The following CACNA1B variants were observed in gnomAD, a reference collection of about 807,000 sequenced individuals.
CACNA1B encodes calcium voltage-gated channel subunit alpha1 B.
In CACNA1B, 70 loss-of-function variants were observed where a neutral mutation model predicts 247.2. The ratio of observed to expected loss-of-function variants is 0.28; its 90% CI spans 0.23 to 0.35. The LOEUF is 0.35. Ranked by LOEUF, CACNA1B falls within the 10% of genes least tolerant of loss-of-function variation. The pLI is 1.00. For missense variants in CACNA1B, 2,367 were observed against 3,197.4 expected, an observed-to-expected ratio of 0.74 and a Z score of 6.26; for synonymous variants, 1,231 against 1,294.4, an observed-to-expected ratio of 0.95 and a Z score of 1.05.
chr9:137,936,139 G>A (rs7023861), intron 6 of CACNA1B, among the ~76,000 whole-genome samples: 46,563 of 152,096 alleles, frequency 0.31, 9,379 homozygotes, highest in East Asian at 0.65. Context: ...TTACAGGCGT[G>A]AGCCACTGCG....
chr9:138,073,656 T>C lies in CACNA1B; in HGVS notation c.4791+52T>C. On this transcript the variant is annotated intron_variant, in intron 33 of 46. Coordinates refer to ENST00000371372, the MANE Select transcript of CACNA1B (RefSeq NM_000718.4). This position sits in a 1 kb window ranked among gnomAD's most constrained non-coding sequence, Gnocchi z 6.4. The stretch of plus-strand genomic sequence containing the variant: ...TTTCTGTCCCCTTCCTCCGTCTTGC[T>C]TCCCCTGCCCCCACCACAGTGGCCC... 2 of 1,056,640 alleles carry C rather than the reference T, an allele frequency of 1.9e-6. No homozygotes were observed. Among genetic ancestry groups the C allele is most frequent in the South Asian group, 2.5e-5 (2 of 79,466 alleles). The allele number at this position is 1,056,640 out of a possible 1,614,324, so 65.5% of individuals were successfully genotyped here. A position where few individuals can be genotyped will look rare whatever the true frequency, so the allele number is the denominator to read the frequency against.
intron 36 of CACNA1B, among the ~76,000 whole-genome samples, chr9:138,092,992 A>G (rs1960928638): frequency 6.6e-6 from 1 of 152,238 alleles, no homozygotes. Context: ...ATTTCTCCAA[A>G]TACAATGACC....
chr9:137,998,721 G>A (rs1024917303), intron 15 of CACNA1B, among the ~76,000 whole-genome samples: 12 of 152,110 alleles, frequency 7.9e-5, no homozygotes, highest in African/African-American at 2.9e-4. Context: ...AACACTGCAG[G>A]GCATGAACTT....
At chr9:138,088,208 A>C (rs914922876) in intron 36 of CACNA1B, among the ~76,000 whole-genome samples, 1 of 151,952 alleles carries the variant, frequency 6.6e-6, no homozygotes, top group South Asian at 2.1e-4. Context: ...ATCTCTACTA[A>C]AAGTATAAAA....
At chr9:138,094,457 A>AAAAAAAAG (rs752912258) in intron 36 of CACNA1B, among the ~76,000 whole-genome samples, 1 of 134,836 alleles carries the variant, frequency 7.4e-6, no homozygotes, top group Non-Finnish European at 1.6e-5. Context: ...AAAAAAAAAA[A>AAAAAAAAG]AAGAAGAAGA....
intron 34 of CACNA1B, among the ~76,000 whole-genome samples, chr9:138,074,848 C>T (rs114192147): frequency 0.015 from 2,222 of 152,328 alleles, 56 homozygotes; most frequent in African/African-American, 0.049. Context: ...CTGGCAGCCG[C>T]GCTGAAGGAC....
At chr9:138,067,064 A>AGGTAC (rs1241969762) in intron 31 of CACNA1B, among the ~76,000 whole-genome samples, 1 of 152,224 alleles carries the variant, frequency 6.6e-6, no homozygotes, top group East Asian at 1.9e-4. Flanking sequence ...AGGAGAGAGT[A>AGGTAC]ACGTGAATAA....
intron 20 of CACNA1B, among the ~76,000 whole-genome samples, chr9:138,039,883 AT>A (rs1959095943): frequency 6.6e-6 from 1 of 152,182 alleles, no homozygotes; most frequent in Non-Finnish European, 1.5e-5. Flanking sequence ...TATTACTCAA[AT>A]ATTCTTTATA....
intron 15 of CACNA1B, among the ~76,000 whole-genome samples, chr9:138,000,321 A>G (rs562824174): frequency 2.6e-5 from 4 of 151,996 alleles, no homozygotes; most frequent in East Asian, 1.9e-4. Context: ...GATGGTCTCG[A>G]TCTCCTGACC....
At chr9:137,979,065 T>A (rs1219697173) in intron 12 of CACNA1B, among the ~76,000 whole-genome samples, 3 of 152,236 alleles carry the variant, frequency 2.0e-5, no homozygotes, top group Non-Finnish European at 1.5e-5. Flanking sequence ...TTTTCATGTC[T>A]TCCAATCTTC....
At chr9:138,089,869 A>G (rs1291426284) in intron 36 of CACNA1B, among the ~76,000 whole-genome samples, 2 of 152,206 alleles carry the variant, frequency 1.3e-5, no homozygotes, top group Non-Finnish European at 2.9e-5. Context: ...CTCATTTACA[A>G]TAGTTACAAA....
intron 36 of CACNA1B, among the ~76,000 whole-genome samples, chr9:138,095,917 A>G (rs1961037022): frequency 9.3e-6 from 1 of 107,118 alleles, no homozygotes; most frequent in Non-Finnish European, 1.7e-5. Context: ...AGAAACAGAA[A>G]GGAGATTGGT....
chr9:137,952,475 A>G lies in CACNA1B; in HGVS notation c.1070+98A>G. ...GACACTTGGGGTGGGGGCCTGGCCC[A>G]TGGGTGCCCTCTGTGGTGGTTGCCC... On this transcript the variant is annotated intron_variant, in intron 7 of 46. Coordinates refer to ENST00000371372, the MANE Select transcript of CACNA1B (RefSeq NM_000718.4). This position sits in a 1 kb window ranked among gnomAD's most constrained non-coding sequence, Gnocchi z 4.8. 1 of 985,114 alleles carries G rather than the reference A, an allele frequency of 1.0e-6. No homozygotes were observed. The allele number at this position is 985,114 out of a possible 1,614,324, so 61.0% of individuals were successfully genotyped here.
chr9:137,970,694 C>T (rs1365768016), intron 10 of CACNA1B, among the ~76,000 whole-genome samples: 5 of 152,082 alleles, frequency 3.3e-5, no homozygotes, highest in South Asian at 2.1e-4. Flanking sequence ...CAGTGAGGGA[C>T]GCATTTCACA....
chr9:138,024,902 G>A, intron 19 of CACNA1B, 53 bp from the exon 20 acceptor site: 1 of 1,314,668 alleles, frequency 7.6e-7, no homozygotes, highest in South Asian at 1.3e-5. Flanking sequence ...CCGGTGCCGG[G>A]ATCACAGGTG....
rs1589095332 is a variant in CACNA1B, at chr9:138,049,432, T to C, written c.3710+117T>C. 6.8e-6 allele frequency: 5 copies of C among 732,906 alleles called. No individual in the cohort carries two copies. In the East Asian group the frequency reaches 1.1e-4, roughly 16 times the overall value. 45.4% of individuals were successfully genotyped at this position (732,906 alleles called of 1,614,324 possible). ...GGCTTCCCTGGGCTGCCTGTGGCTC[T>C]GTTGCTGTCCATGTGGGACTGTCCC... On this transcript the variant is annotated intron_variant, in intron 24 of 46. Coordinates refer to ENST00000371372, the MANE Select transcript of CACNA1B (RefSeq NM_000718.4).
intron 15 of CACNA1B, among the ~76,000 whole-genome samples, chr9:137,994,397 A>G (rs532064189): frequency 1.6e-4 from 24 of 152,366 alleles, no homozygotes; most frequent in Middle Eastern, 6.8e-3. Context: ...GGTAAAGAGG[A>G]AGTCAAACTG....
At chr9:137,924,962 T>A (rs1487630632) in intron 6 of CACNA1B, among the ~76,000 whole-genome samples, 1 of 152,210 alleles carries the variant, frequency 6.6e-6, no homozygotes, top group African/African-American at 2.4e-5. Context: ...GTCCCGCCTG[T>A]GACCAGGGGG....
In CACNA1B at chr9:137,990,194, C is replaced by T. The variant is rs117642944; in HGVS notation, c.1974+3340C>T. ...TGAGGCCTGTGACTGCTGGCTTTCT[C>T]CCACTTTCCTGGAGGACCTGTATGA... On this transcript the variant is annotated intron_variant, in intron 15 of 46. Transcript: ENST00000371372. The surrounding 1 kb of genome is among the most constrained non-coding windows in gnomAD (Gnocchi z 4.5). Among the ~76,000 whole-genome samples the T allele has an allele frequency of 3.8e-3, 584 of 152,182 alleles. 2 individuals carry two copies. Among genetic ancestry groups the T allele is most frequent in the Middle Eastern group, 0.01 (3 of 294 alleles).
Sources: allele counts gnomAD v4.1 joint callset (sites outside exome capture counted in the v4.1 genomes callset), GRCh38; gene constraint gnomAD v4.1.1; non-coding constraint Gnocchi (gnomAD v3.1); transcripts MANE v1.5; gene names NCBI Gene and HGNC (gene_info 2026-07-23, HGNC 2026-07-21).